The following MEGF11 variants were observed in gnomAD, a reference collection of about 807,000 sequenced individuals.
MEGF11 encodes multiple EGF like domains 11.
MEGF11 carries 126 observed loss-of-function variants against 146.6 expected under a neutral mutation model. The observed-to-expected ratio is 0.86, with a 90% CI of 0.74 to 1.00. MEGF11 has a LOEUF of 1.00. Among genes scored for constraint, MEGF11 ranks in the 50% least tolerant of loss-of-function variants. The pLI, the probability that MEGF11 is intolerant of heterozygous loss-of-function variation, is 0.00. For synonymous variants in MEGF11, 532 were observed against 583.4 expected (o/e 0.91, Z 1.27); for missense variants, 1,509 against 1,521.2 (o/e 0.99, Z 0.13).
chr15:66,139,235 C>A (rs2089032371), intron 1 of MEGF11, among the ~76,000 whole-genome samples: 1 of 152,182 alleles, frequency 6.6e-6, no homozygotes, highest in Admixed American at 6.5e-5. Flanking sequence ...AACTTGAGCA[C>A]CCTATATGCC....
At chr15:66,042,826 T>C (rs2084043275) in intron 5 of MEGF11, among the ~76,000 whole-genome samples, 1 of 152,226 alleles carries the variant, frequency 6.6e-6, no homozygotes, top group Admixed American at 6.5e-5. Flanking sequence ...CAGGGCATAC[T>C]GGATCAGGTG....
chr15:66,211,324 C>T (rs1487998933), intron 1 of MEGF11, among the ~76,000 whole-genome samples: 2 of 152,092 alleles, frequency 1.3e-5, no homozygotes, highest in East Asian at 1.9e-4. Context: ...GAGATCGAGA[C>T]CATCTTGGCT....
chr15:66,101,273 C>T (rs1204578042), intron 4 of MEGF11, among the ~76,000 whole-genome samples: 4 of 152,250 alleles, frequency 2.6e-5, no homozygotes, highest in Admixed American at 6.5e-5. Context: ...CCTGCCGCTC[C>T]GGACGGCTGC....
chr15:66,167,028 T>G (rs556023373), intron 1 of MEGF11, among the ~76,000 whole-genome samples: 1 of 152,202 alleles, frequency 6.6e-6, no homozygotes, highest in Admixed American at 6.5e-5. Flanking sequence ...GAGGTCATAG[T>G]TGATGCAGAG....
intron 1 of MEGF11, among the ~76,000 whole-genome samples, chr15:66,252,231 A>AC (rs1446693106): frequency 1.8e-5 from 1 of 54,798 alleles, no homozygotes; most frequent in Non-Finnish European, 4.1e-5. Context: ...CCCGCCCCCC[A>AC]CCCCCCACCC....
In MEGF11 at chr15:65,922,414, G is replaced by C; in HGVS notation, c.1881C>G (p.His627Gln). 6.3e-7 allele frequency: 1 copy of C among 1,593,944 alleles called. No homozygotes were observed. The highest frequency in any genetic ancestry group is 8.5e-7 in the Non-Finnish European group (1 of 1,170,844). The stretch of plus-strand genomic sequence containing the variant: ...TGATGTGGTGGCAGGGCCTGCTGCT[G>C]TGCACGCAGAGGGGGCATGGCTGGG... Reference protein sequence around the residue: ...GCAQPCPLCVHSSRPCHHISG... With the variant: ...GCAQPCPLCVQSSRPCHHISG... The change falls in exon 15 of 26, where the codon CAC becomes CAG. Residue 627 changes from histidine (H) to glutamine (Q), a missense_variant. Physicochemically the swap from His to Gln is conservative, Grantham distance 24 (BLOSUM62 0). Transcript: ENST00000395614.
chr15:66,039,188 A>G (rs1368303570), intron 5 of MEGF11, among the ~76,000 whole-genome samples: 1 of 152,208 alleles, frequency 6.6e-6, no homozygotes, highest in Non-Finnish European at 1.5e-5. Context: ...ACCGAAAAAC[A>G]TCGCCCTTGA....
chr15:66,122,155 T>C (rs566429184), intron 3 of MEGF11, among the ~76,000 whole-genome samples: 2 of 151,906 alleles, frequency 1.3e-5, no homozygotes, highest in African/African-American at 4.8e-5. Flanking sequence ...CCCAGCTTAC[T>C]CAGGAGGCTG....
rs550572010 is a variant in MEGF11, at chr15:66,003,584, C to T, written c.395-21096G>A. On this transcript the variant is annotated intron_variant, in intron 5 of 25. Coordinates refer to ENST00000395614, the MANE Select transcript of MEGF11 (RefSeq NM_001385028.1). ...GGTGGCCACAGACTGTTGTAACAGGCTCCCAAACCAGCACCCCACTTCGAG... is the reference window on the plus strand; with the variant it reads ...GGTGGCCACAGACTGTTGTAACAGGTTCCCAAACCAGCACCCCACTTCGAG... Among the ~76,000 whole-genome samples, 7 of 152,198 alleles carry T rather than the reference C, an allele frequency of 4.6e-5. No homozygotes were observed. The East Asian group carries it at 1.4e-3, about 29-fold the overall frequency.
chr15:66,051,640 T>G (rs2140352332), intron 5 of MEGF11, among the ~76,000 whole-genome samples: 1 of 152,298 alleles, frequency 6.6e-6, no homozygotes. Context: ...AAGGTGCTGG[T>G]GGCAGCCATC....
chr15:65,919,653 C>T (rs1006093844), intron 15 of MEGF11, among the ~76,000 whole-genome samples: 3 of 152,172 alleles, frequency 2.0e-5, no homozygotes, highest in Non-Finnish European at 4.4e-5. Context: ...TGTTTCGAGA[C>T]AGAGTCTCGC....
chr15:66,064,431 T>TC (rs1294391775), intron 5 of MEGF11, among the ~76,000 whole-genome samples: 1 of 152,146 alleles, frequency 6.6e-6, no homozygotes, highest in Non-Finnish European at 1.5e-5. Flanking sequence ...TAACACATTT[T>TC]CCCCAGGTAA....
intron 5 of MEGF11, among the ~76,000 whole-genome samples, chr15:65,988,043 T>C (rs1037209416): frequency 6.2e-5 from 9 of 144,756 alleles, no homozygotes; most frequent in African/African-American, 7.6e-5. Context: ...AGTCTCGCTC[T>C]GTCCCCCAGG....
Position 65,965,571 on chromosome 15 carries a change from C to CCTTTCTTTCTTT in MEGF11, c.900-463_900-452dup, listed in dbSNP as rs1185795809. The stretch of plus-strand genomic sequence containing the variant: ...GGGGCTGGAGGGAGCCAGTGAGGTC[C>CCTTTCTTTCTTT]CTTTCTTTCTTTCTTTCTTTCTTTC... On this transcript the variant is annotated intron_variant, in intron 8 of 25. Transcript: ENST00000395614. Among the ~76,000 whole-genome samples, 31 of 66,604 alleles carry CCTTTCTTTCTTT rather than the reference C, an allele frequency of 4.7e-4. 1 individual carries two copies. The highest frequency in any genetic ancestry group is 6.2e-4 in the African/African-American group (11 of 17,764). 43.7% of individuals were successfully genotyped at this position (66,604 alleles called of 152,430 possible). A position where few individuals can be genotyped will look rare whatever the true frequency, so the allele number is the denominator to read the frequency against.
chr15:66,069,386 G>A (rs1300218105), intron 5 of MEGF11, among the ~76,000 whole-genome samples: 1 of 152,236 alleles, frequency 6.6e-6, no homozygotes, highest in East Asian at 1.9e-4. Context: ...AGGATTAAAT[G>A]AGTAAACCAG....
Position 66,219,842 on chromosome 15 carries a change from T to G in MEGF11, c.-9+33763A>C, listed in dbSNP as rs115830144. Among the ~76,000 whole-genome samples, 800 of 152,326 alleles carry G rather than the reference T, an allele frequency of 5.3e-3. 9 individuals are homozygous for G. The highest frequency in any genetic ancestry group is 0.018 in the African/African-American group (765 of 41,554). On this transcript the variant is annotated intron_variant, in intron 1 of 25. Coordinates refer to ENST00000395614, the MANE Select transcript of MEGF11 (RefSeq NM_001385028.1). Reference sequence around the variant, plus strand: ...CCTTATTTATAATAGCCCAAACCTGTAAATAGCCCAGATGTCCTCCAATGG... The same window carrying G: ...CCTTATTTATAATAGCCCAAACCTGGAAATAGCCCAGATGTCCTCCAATGG...
intron 1 of MEGF11, among the ~76,000 whole-genome samples, chr15:66,145,629 T>C (rs1047162224): frequency 4.6e-5 from 7 of 152,154 alleles, no homozygotes; most frequent in African/African-American, 1.7e-4. Context: ...GGCTACAATA[T>C]GTGCCAGAAA....
At chr15:65,908,444 C>T (rs899424683) in intron 23 of MEGF11, among the ~76,000 whole-genome samples, 1 of 152,214 alleles carries the variant, frequency 6.6e-6, no homozygotes, top group Non-Finnish European at 1.5e-5. Flanking sequence ...GGCTAACTTT[C>T]CAAGTCTCTT....
In MEGF11 at chr15:65,980,909, A is replaced by G. The variant is rs746432312; in HGVS notation, c.642-11T>C. The G allele has an allele frequency of 6.4e-7, 1 of 1,567,036 alleles. No homozygotes were observed. Among genetic ancestry groups the G allele is most frequent in the Non-Finnish European group, 8.6e-7 (1 of 1,157,856 alleles). On this transcript the variant is annotated splice_polypyrimidine_tract_variant and intron_variant, in intron 6 of 25. Transcript: ENST00000395614. ...CACAGCTCCTCGCAGCTGCATGGAG[A>G]AGCAGAGGTGTTAGACACAGCAGCA...
Sources: allele counts gnomAD v4.1 joint callset (sites outside exome capture counted in the v4.1 genomes callset), GRCh38; gene constraint gnomAD v4.1.1; transcripts MANE v1.5; gene names NCBI Gene and HGNC (gene_info 2026-07-23, HGNC 2026-07-21).